Variants in PUDP observed in about 807,000 individuals in gnomAD.
PUDP encodes the protein pseudouridine 5'-phosphatase.
Under a neutral mutation model 9.4 loss-of-function variants are expected in PUDP, and 8 were observed. The ratio of observed to expected loss-of-function variants is 0.85; its 90% CI spans 0.50 to 1.53. The LOEUF is 1.53. Among genes scored for constraint, PUDP ranks in the 40% most tolerant of loss-of-function variants. The probability of loss-of-function intolerance (pLI) is 0.00; values close to 1 mark genes in which losing one functional copy is unlikely to be tolerated. For missense variants in PUDP, 188 were observed against 189.7 expected, an observed-to-expected ratio of 0.99 and a Z score of 0.05; for synonymous variants, 99 against 80.7, an observed-to-expected ratio of 1.23 and a Z score of -1.22.
chrX:7,031,723 G>T (rs1014169204), intron 1 of PUDP, among the ~76,000 whole-genome samples: 2 of 112,266 alleles, frequency 1.8e-5, no homozygotes, highest in African/African-American at 6.5e-5. Flanking sequence ...CATGGAATTG[G>T]AAAAACTGGA....
chrX:6,869,755 A>G (rs1927144912), intron 3 of PUDP, among the ~76,000 whole-genome samples: 2 of 111,315 alleles, frequency 1.8e-5, no homozygotes. Context: ...AATTACCCAG[A>G]AGGTAACAAA....
intron 3 of PUDP, among the ~76,000 whole-genome samples, chrX:6,842,171 G>A (rs993074738): frequency 2.7e-5 from 3 of 111,846 alleles, no homozygotes; most frequent in Non-Finnish European, 5.6e-5. Context: ...TGATAAATGA[G>A]ATTTTCAGCC....
chrX:7,048,952 C>G lies in PUDP; in HGVS notation c.*1344G>C, dbSNP rs1372586097. The G allele has an allele frequency of 1.8e-5, 2 of 111,912 alleles. No homozygotes were observed. Among genetic ancestry groups the G allele is most frequent in the Admixed American group, 9.5e-5 (1 of 10,560 alleles). 9.2% of individuals were successfully genotyped at this position (111,912 alleles called of 1,213,427 possible). A position where few individuals can be genotyped will look rare whatever the true frequency, so the allele number is the denominator to read the frequency against. On this transcript the variant is annotated 3_prime_UTR_variant, in exon 4 of 4. Coordinates refer to ENST00000381077, the MANE Select transcript of PUDP (RefSeq NM_012080.5). Reference sequence around the variant, plus strand: ...GTCAAAAGATTTTATTAAACTAATTCAATTTGTTAGGGAAATGGTAAGATG... The same window carrying G: ...GTCAAAAGATTTTATTAAACTAATTGAATTTGTTAGGGAAATGGTAAGATG...
chrX:7,076,165 A>C (rs1191085489), intron 3 of PUDP, among the ~76,000 whole-genome samples: 1 of 111,829 alleles, frequency 8.9e-6, no homozygotes, highest in Non-Finnish European at 1.9e-5. Flanking sequence ...ACAACAAAAA[A>C]CAGGTCTTTC....
chrX:6,944,188 C>T (rs1381083280), intron 3 of PUDP, among the ~76,000 whole-genome samples: 5 of 110,634 alleles, frequency 4.5e-5, no homozygotes, highest in Non-Finnish European at 3.8e-5. Flanking sequence ...CTCACGAGAT[C>T]TGATGATTTT....
intron 1 of PUDP, among the ~76,000 whole-genome samples, chrX:7,027,830 A>ATTATTTT (rs1929737370): frequency 4.5e-5 from 3 of 66,405 alleles, no homozygotes; most frequent in Non-Finnish European, 8.4e-5. Context: ...TATAGAATAT[A>ATTATTTT]CTATATTCTA....
At chrX:7,075,230 G>T (rs1160040047) in intron 3 of PUDP, among the ~76,000 whole-genome samples, 1 of 112,313 alleles carries the variant, frequency 8.9e-6, no homozygotes, top group Non-Finnish European at 1.9e-5. Flanking sequence ...ATTAGGTCTG[G>T]GCACGGTGGC....
intron 3 of PUDP, among the ~76,000 whole-genome samples, chrX:6,751,329 A>G (rs1350727290): frequency 9.0e-6 from 1 of 111,701 alleles, no homozygotes; most frequent in Non-Finnish European, 1.9e-5. Context: ...TCATTGCTAT[A>G]GATGGATTCC....
chrX:6,809,115 C>T (rs1037186416), intron 3 of PUDP, among the ~76,000 whole-genome samples: 6 of 111,156 alleles, frequency 5.4e-5, no homozygotes, highest in African/African-American at 2.0e-4. Context: ...CTGCTCCTTC[C>T]CTACTCTCAA....
chrX:6,833,548 T>C (rs73190733), intron 3 of PUDP, among the ~76,000 whole-genome samples: 7,747 of 110,835 alleles, frequency 0.07, 308 homozygotes, highest in Non-Finnish European at 0.11. Flanking sequence ...AATAGATGAA[T>C]AGGTAGACGT....
intron 1 of PUDP, among the ~76,000 whole-genome samples, chrX:7,041,417 G>A (rs769374899): frequency 1.8e-5 from 2 of 111,662 alleles, no homozygotes; most frequent in African/African-American, 3.3e-5. Context: ...CATGCTTTTC[G>A]TCCACCTGGC....
At chrX:6,747,812 T>A (rs1925018672) in intron 3 of PUDP, among the ~76,000 whole-genome samples, 1 of 112,164 alleles carries the variant, frequency 8.9e-6, no homozygotes, top group Non-Finnish European at 1.9e-5. Flanking sequence ...TGTCCAGAGT[T>A]TAAATAAAAG....
chrX:6,875,410 C>T (rs769169180), intron 3 of PUDP, among the ~76,000 whole-genome samples: 3 of 111,595 alleles, frequency 2.7e-5, no homozygotes, highest in African/African-American at 9.8e-5. Flanking sequence ...ATACCTCTCA[C>T]CCCCATCTCC....
intron 3 of PUDP, among the ~76,000 whole-genome samples, chrX:6,862,988 G>A (rs1330361713): frequency 9.0e-6 from 1 of 111,595 alleles, no homozygotes; most frequent in Non-Finnish European, 1.9e-5. Context: ...ATTCAATAAC[G>A]TACTTTTATA....
rs992672069 is a variant in PUDP, at chrX:6,816,777, T to C, written c.*248-110311A>G. ...ATAGTATATACAATATATATACACA[T>C]ACAGTATATACTATATAGTATATAC... On this transcript the variant is annotated intron_variant and NMD_transcript_variant, in intron 3 of 3. Coordinates refer to the PUDP transcript ENST00000655425. Among the ~76,000 whole-genome samples the C allele has an allele frequency of 7.6e-5, 7 of 92,313 alleles. No homozygotes were observed. The South Asian group carries it at 1.9e-3, about 25-fold the overall frequency. The allele number at this position is 92,313 out of a possible 115,157, so 80.2% of individuals were successfully genotyped here. A position where few individuals can be genotyped will look rare whatever the true frequency, so the allele number is the denominator to read the frequency against.
intron 3 of PUDP, among the ~76,000 whole-genome samples, chrX:6,755,766 T>A (rs1340324181): frequency 2.7e-5 from 3 of 109,997 alleles, no homozygotes; most frequent in Non-Finnish European, 5.7e-5. Flanking sequence ...TCTGGGGTGA[T>A]GTTACAGATT....
chrX:7,140,551 T>A lies in PUDP; in HGVS notation c.61+7502A>T, dbSNP rs144077572. 5.2e-3 allele frequency among the ~76,000 whole-genome samples: 574 copies of A among 110,785 alleles called. 2 individuals carry two copies. Among genetic ancestry groups the A allele is most frequent in the African/African-American group, 0.018 (544 of 30,397 alleles). ...CTGAAAAATGACAGAAAATAGTATA[T>A]AAATTATAGCAGTTTAAAAAAAAAG... On this transcript the variant is annotated intron_variant, in intron 1 of 3. Transcript: ENST00000381077.
chrX:7,093,767 C>T (rs1931488782), intron 2 of PUDP, among the ~76,000 whole-genome samples: 1 of 111,689 alleles, frequency 9.0e-6, no homozygotes, highest in Non-Finnish European at 1.9e-5. Context: ...TTATCCTATA[C>T]TCCTAAAGAC....
intron 3 of PUDP, among the ~76,000 whole-genome samples, chrX:6,813,400 G>A (rs1042099183): frequency 9.0e-6 from 1 of 111,057 alleles, no homozygotes; most frequent in Admixed American, 9.6e-5. Context: ...ACAGCTCAGG[G>A]CCCTCTTGGT....
Sources: allele counts gnomAD v4.1 joint callset (sites outside exome capture counted in the v4.1 genomes callset), GRCh38; gene constraint gnomAD v4.1.1; transcripts MANE v1.5; gene names NCBI Gene and HGNC (gene_info 2026-07-23, HGNC 2026-07-21).